CHD7: variants seen among roughly 807,000 people sequenced by gnomAD.
CHD7 encodes the protein ATP-dependent chromatin remodeler CHD7.
CHD7 carries 24 observed loss-of-function variants against 307.3 expected under a neutral mutation model. The ratio of observed to expected loss-of-function variants is 0.08; its 90% CI spans 0.06 to 0.11. The LOEUF is 0.11. CHD7 is among the 10% of genes least tolerant of loss of function. The pLI is 1.00. For synonymous variants in CHD7, 1,363 were observed against 1,349.9 expected (o/e 1.01, Z -0.21); for missense variants, 3,106 against 3,727.1 (o/e 0.83, Z 4.34).
chr8:60,821,232 T>C (rs1307712342), intron 9 of CHD7, among the ~76,000 whole-genome samples: 1 of 152,194 alleles, frequency 6.6e-6, no homozygotes, highest in African/African-American at 2.4e-5. Context: ...AAACTCCTGA[T>C]GAAAGATTTG....
intron 1 of CHD7, among the ~76,000 whole-genome samples, chr8:60,702,612 T>C (rs964560066): frequency 2.0e-5 from 3 of 152,238 alleles, no homozygotes; most frequent in African/African-American, 4.8e-5. Context: ...ACCAGTCTTT[T>C]CCCTGTTACA....
In CHD7 at chr8:60,852,690, C is replaced by T. The variant is rs550461070; in HGVS notation, c.6087C>T (p.Pro2029=). The T allele has an allele frequency of 1.7e-5, 28 of 1,613,760 alleles. 2 individuals carry two copies. The highest frequency in any genetic ancestry group is 1.1e-4 in the African/African-American group (8 of 74,968). ...TGTGTAGGCGAGTATGTCGAATGCC[C>T]GTCAAGCCAGATGATGGTAGGTACA... is the stretch of plus-strand genomic sequence containing the variant. ...VAMCRRVCRM[P]VKPDDEPPDL... The change falls in exon 30 of 38, where the codon CCC becomes CCT. Residue 2029 remains proline, a synonymous_variant. Coordinates refer to ENST00000423902, the MANE Select transcript of CHD7 (RefSeq NM_017780.4).
At chr8:60,767,250 C>G (rs773946041) in intron 2 of CHD7, among the ~76,000 whole-genome samples, 20 of 152,084 alleles carry the variant, frequency 1.3e-4, no homozygotes, top group Non-Finnish European at 1.9e-4. Flanking sequence ...GTTGCTCTTT[C>G]AAGGATTCTG....
At chr8:60,850,998 T>C in intron 26 of CHD7, 34 bp from the exon 27 acceptor site, 1 of 1,444,288 alleles carries the variant, frequency 6.9e-7, no homozygotes, top group Middle Eastern at 1.8e-4. Flanking sequence ...CTTATCAGTA[T>C]GATTCAAATA....
intron 18 of CHD7, 55 bp from the exon 19 acceptor site, chr8:60,838,021 G>A (rs1329018542): frequency 4.4e-6 from 6 of 1,363,256 alleles, no homozygotes; most frequent in African/African-American, 1.5e-5. Context: ...TGTTTAGTCT[G>A]CAAACCTCTT....
intron 1 of CHD7, among the ~76,000 whole-genome samples, chr8:60,713,147 C>CT (rs1207527170): frequency 6.6e-6 from 1 of 151,602 alleles, no homozygotes; most frequent in Non-Finnish European, 1.5e-5. Flanking sequence ...GAGTCTCACT[C>CT]TGTCGCCCAG....
At chr8:60,745,901 G>A (rs1809300235) in intron 2 of CHD7, among the ~76,000 whole-genome samples, 1 of 152,128 alleles carries the variant, frequency 6.6e-6, no homozygotes, top group Non-Finnish European at 1.5e-5. Flanking sequence ...AACATATACC[G>A]AGTGCCTAGT....
chr8:60,742,063 A>C lies in CHD7; in HGVS notation c.631A>C (p.Ser211Arg), dbSNP rs936848734. Reference sequence around the variant, plus strand: ...GCATGGTCAGCCACAGCAGAGGATGAGCCAGTTTTCCCAAGGCCAAGAGGG... The same window carrying C: ...GCATGGTCAGCCACAGCAGAGGATGCGCCAGTTTTCCCAAGGCCAAGAGGG... ...QQHGQPQQRM[S>R]QFSQGQEGLN... The change falls in exon 2 of 38, where the codon AGC (serine) becomes CGC (arginine). Residue 211 changes from serine to arginine, a missense_variant. Around this residue, in one of 10 missense-constraint regions of CHD7, gnomAD observed 998 missense variants for 1,004.5 expected, o/e 0.99. Coordinates refer to ENST00000423902, the MANE Select transcript of CHD7 (RefSeq NM_017780.4). The C allele has an allele frequency of 6.2e-7, 1 of 1,613,804 alleles. No homozygotes were observed. The highest frequency in any genetic ancestry group is 1.3e-5 in the African/African-American group (1 of 74,910).
chr8:60,741,164 C>T (rs2150576806), intron 1 of CHD7, 95 bp from the exon 2 acceptor site: 1 of 465,056 alleles, frequency 2.2e-6, no homozygotes, highest in East Asian at 3.5e-5. Context: ...TGATGGGGAC[C>T]AAATTCAGAT....
At chr8:60,702,506 A>G (rs1344181876) in intron 1 of CHD7, among the ~76,000 whole-genome samples, 1 of 152,166 alleles carries the variant, frequency 6.6e-6, no homozygotes, top group Non-Finnish European at 1.5e-5. Context: ...TCCCTTAAGT[A>G]AATAAAGCTT....
chr8:60,865,304 G>A lies in CHD7; in HGVS notation c.8365G>A (p.Ala2789Thr), dbSNP rs200140270. 5 of 1,611,186 alleles carry A rather than the reference G, an allele frequency of 3.1e-6. No homozygotes were observed. The highest frequency in any genetic ancestry group is 2.7e-5 in the African/African-American group (2 of 75,020). ...LATAATAGGD[A>T]KNPAAVLPLM... Reference sequence around the variant, plus strand: ...AACAGCTGCCACCGCCGGAGGCGATGCGAAGAACCCTGCTGCTGTGCTGCC... The same window carrying A: ...AACAGCTGCCACCGCCGGAGGCGATACGAAGAACCCTGCTGCTGTGCTGCC... The change falls in exon 38 of 38, where the codon GCG (alanine) becomes ACG (threonine). Residue 2789 changes from alanine (A) to threonine (T), a missense_variant. Ala to Thr is a moderately conservative substitution (Grantham distance 58). Transcript: ENST00000423902. This position sits in a 1 kb window ranked among gnomAD's most constrained non-coding sequence, Gnocchi z 4.3.
In CHD7 at chr8:60,821,643, CAT is replaced by C. The variant is rs139974846; in HGVS notation, c.2698-139_2698-138del. ...ATATATACATATGTATATGTATAAACATATATATACACATACATATATATGTA... is the reference window on the plus strand; with the variant it reads ...ATATATACATATGTATATGTATAAACATATATACACATACATATATATGTA... On this transcript the variant is annotated intron_variant, in intron 9 of 37. Coordinates refer to ENST00000423902, the MANE Select transcript of CHD7 (RefSeq NM_017780.4). 5,578 of 546,392 alleles carry C rather than the reference CAT, an allele frequency of 0.01. 254 individuals carry two copies. The highest frequency in any genetic ancestry group is 0.095 in the African/African-American group (4,852 of 50,898). 33.8% of individuals were successfully genotyped at this position (546,392 alleles called of 1,614,324 possible).
intron 1 of CHD7, among the ~76,000 whole-genome samples, chr8:60,720,675 G>A (rs998100879): frequency 1.8e-4 from 27 of 152,192 alleles, no homozygotes; most frequent in African/African-American, 6.5e-4. Context: ...GGCTAAGACG[G>A]CTGTCTCTGA....
At chr8:60,682,426 G>GT (rs1186951504) in intron 1 of CHD7, among the ~76,000 whole-genome samples, 10 of 152,140 alleles carry the variant, frequency 6.6e-5, no homozygotes, top group Admixed American at 5.9e-4. Flanking sequence ...GAAATATTTT[G>GT]TTATGAGAAA....
Position 60,741,848 on chromosome 8 carries a change from T to G in CHD7, c.416T>G (p.Val139Gly). 1.2e-6 allele frequency: 2 copies of G among 1,613,862 alleles called. No homozygotes were observed. The highest frequency in any genetic ancestry group is 1.7e-6 in the Non-Finnish European group (2 of 1,179,848). ...AATGAGAGGCATGGGCAATCCTTTGTGGACAGCAGCTCCATGTGGGGCCCC... is the reference window on the plus strand; with the variant it reads ...AATGAGAGGCATGGGCAATCCTTTGGGGACAGCAGCTCCATGTGGGGCCCC... ...MQNERHGQSF[V>G]DSSSMWGPRA... The change falls in exon 2 of 38, where the codon GTG becomes GGG. Residue 139 changes from valine to glycine, a missense_variant. By Grantham distance (109) the Val-to-Gly change is moderately radical. Coordinates refer to ENST00000423902, the MANE Select transcript of CHD7 (RefSeq NM_017780.4).
intron 1 of CHD7, among the ~76,000 whole-genome samples, chr8:60,722,041 A>T (rs1038493277): frequency 1.3e-5 from 2 of 152,222 alleles, no homozygotes; most frequent in Non-Finnish European, 2.9e-5. Context: ...CTAATAGTAA[A>T]TTATAAAGCA....
intron 1 of CHD7, among the ~76,000 whole-genome samples, chr8:60,680,873 C>G (rs573085110): frequency 6.6e-6 from 1 of 152,314 alleles, no homozygotes; most frequent in Non-Finnish European, 1.5e-5. Flanking sequence ...AATAACTTAT[C>G]TTAAAAAGTG....
intron 3 of CHD7, among the ~76,000 whole-genome samples, chr8:60,787,962 C>T (rs1811580497): frequency 6.6e-6 from 1 of 151,398 alleles, no homozygotes; most frequent in Admixed American, 6.6e-5. Context: ...CTTGGGTCTA[C>T]AGGCATGCAC....
intron 1 of CHD7, among the ~76,000 whole-genome samples, chr8:60,697,853 C>G (rs1806561798): frequency 6.6e-6 from 1 of 152,240 alleles, no homozygotes; most frequent in Non-Finnish European, 1.5e-5. Context: ...CACCTCTGAT[C>G]TTGCTCCTTA....
Sources: gnomAD v4.1 joint callset for allele counts (sites outside exome capture counted in the v4.1 genomes callset) on GRCh38, gnomAD v4.1.1 for gene constraint, gnomAD v4.1.1 regional missense constraint, Gnocchi (gnomAD v3.1) non-coding constraint, MANE v1.5 for transcripts, NCBI Gene and HGNC (gene_info 2026-07-23, HGNC 2026-07-21) for gene names.